The following TFDP1 variants were observed in gnomAD, a reference collection of about 807,000 sequenced individuals.
TFDP1 encodes the protein DRTF1-polypeptide 1.
Under a neutral mutation model 48.0 loss-of-function variants are expected in TFDP1, and 6 were observed. That is an observed-to-expected ratio of 0.13 (90% CI 0.07 to 0.25). The LOEUF is 0.25. Ranked by LOEUF, TFDP1 falls within the 10% of genes least tolerant of loss-of-function variation. The probability of loss-of-function intolerance (pLI) is 1.00; values close to 1 mark genes in which losing one functional copy is unlikely to be tolerated. For synonymous variants in TFDP1, 201 were observed against 211.6 expected (o/e 0.95, Z 0.44); for missense variants, 335 against 543.0 (o/e 0.62, Z 3.81).
intron 1 of TFDP1, 189 bp from the exon 2 acceptor site, chr13:113,585,585 A>G (rs564243998): frequency 9.9e-6 from 4 of 402,522 alleles, no homozygotes; most frequent in East Asian, 3.7e-5. Context: ...CGCAGGGGGC[A>G]TTTCCGTCTG....
Position 113,633,808 on chromosome 13 carries a change from G to C in TFDP1, c.475-82G>C. ...GGCTCCGTGAGCGGGGTGCCCCTTT[G>C]AGCCAGTGCCCATGGTCTACAGTTT... On this transcript the variant is annotated intron_variant, in intron 6 of 11. Coordinates refer to ENST00000375370, the MANE Select transcript of TFDP1 (RefSeq NM_007111.5). This position sits in a 1 kb window ranked among gnomAD's most constrained non-coding sequence, Gnocchi z 4.5. The C allele has an allele frequency of 1.3e-6, 2 of 1,514,368 alleles. No homozygotes were observed. The highest frequency in any genetic ancestry group is 8.9e-7 in the Non-Finnish European group (1 of 1,125,132). The allele number at this position is 1,514,368 out of a possible 1,614,324, so 93.8% of individuals were successfully genotyped here.
chr13:113,634,155 A>G, intron 7 of TFDP1, 122 bp downstream of exon 7: 1 of 1,404,230 alleles, frequency 7.1e-7, no homozygotes. Context: ...CGGCTGGCAG[A>G]CGGTCATGCA....
chr13:113,592,994 T>C (rs977330935), intron 2 of TFDP1, among the ~76,000 whole-genome samples: 3 of 148,496 alleles, frequency 2.0e-5, no homozygotes, highest in African/African-American at 7.6e-5. Flanking sequence ...ACAGGTGTGC[T>C]GTGCACGCGT....
At chr13:113,625,166 G>C (rs180716943) in intron 4 of TFDP1, among the ~76,000 whole-genome samples, 5 of 111,952 alleles carry the variant, frequency 4.5e-5, no homozygotes, top group African/African-American at 2.0e-4. Context: ...GTGTCTCTCA[G>C]GTGTCTCTCA....
intron 2 of TFDP1, among the ~76,000 whole-genome samples, chr13:113,596,203 G>A (rs2048286281): frequency 6.6e-6 from 1 of 152,180 alleles, no homozygotes; most frequent in Non-Finnish European, 1.5e-5. Flanking sequence ...CACCACTATT[G>A]ATAGAACCCA....
At chr13:113,637,616 T>G in intron 10 of TFDP1, 4 of 1,532,316 alleles carry the variant, frequency 2.6e-6, no homozygotes, top group Non-Finnish European at 3.5e-6. Context: ...TCTTGCCTTT[T>G]TAGAGAAGAC....
At position 113,633,762 on chromosome 13, in the gene TFDP1, C is replaced by A; in HGVS notation, c.475-128C>A. 1 of 1,162,428 alleles carries A rather than the reference C, an allele frequency of 8.6e-7. No homozygotes were observed. Among genetic ancestry groups the A allele is most frequent in the Non-Finnish European group, 1.2e-6 (1 of 818,972 alleles). The allele number at this position is 1,162,428 out of a possible 1,614,324, so 72.0% of individuals were successfully genotyped here. A position where few individuals can be genotyped will look rare whatever the true frequency, so the allele number is the denominator to read the frequency against. ...GTCATCTGTGGGGTGGGAGCGCTCC[C>A]TGAGGGCATGTTGGGGTGGCGGCTC... On this transcript the variant is annotated intron_variant, in intron 6 of 11. Coordinates refer to ENST00000375370, the MANE Select transcript of TFDP1 (RefSeq NM_007111.5). This position sits in a 1 kb window ranked among gnomAD's most constrained non-coding sequence, Gnocchi z 4.5.
At chr13:113,614,107 C>T (rs2048792450) in intron 3 of TFDP1, among the ~76,000 whole-genome samples, 1 of 149,282 alleles carries the variant, frequency 6.7e-6, no homozygotes, top group African/African-American at 2.5e-5. Context: ...TGTGCATATG[C>T]ACGTGTGAGT....
chr13:113,610,941 A>T, intron 2 of TFDP1, 55 bp from the exon 3 acceptor site: 1 of 1,546,968 alleles, frequency 6.5e-7, no homozygotes, highest in Non-Finnish European at 8.9e-7. Context: ...AAACACCCCT[A>T]GTTTCGTAGC....
At chr13:113,616,100 G>A (rs182784375) in intron 3 of TFDP1, among the ~76,000 whole-genome samples, 24 of 152,088 alleles carry the variant, frequency 1.6e-4, no homozygotes, top group Non-Finnish European at 1.8e-4. Flanking sequence ...CTACTCAGGA[G>A]GCTGAGGCAG....
At chr13:113,614,256 G>A (rs906015322) in intron 3 of TFDP1, among the ~76,000 whole-genome samples, 2 of 149,138 alleles carry the variant, frequency 1.3e-5, no homozygotes, top group African/African-American at 4.9e-5. Context: ...AGTTCTGATT[G>A]TGCGTGTGTG....
Position 113,612,822 on chromosome 13 carries a change from A to G in TFDP1, c.79+1760A>G, listed in dbSNP as rs561290140. On this transcript the variant is annotated intron_variant, in intron 3 of 11. Coordinates refer to ENST00000375370, the MANE Select transcript of TFDP1 (RefSeq NM_007111.5). ...GGAACATATTCTGCATTCATGACATAGCTGAAAATGTTCTGGTTTTGAGCC... is the reference window on the plus strand; with the variant it reads ...GGAACATATTCTGCATTCATGACATGGCTGAAAATGTTCTGGTTTTGAGCC... 9.2e-5 allele frequency among the ~76,000 whole-genome samples: 14 copies of G among 152,350 alleles called. No individual in the cohort carries two copies. In the South Asian group the frequency reaches 2.9e-3, roughly 32 times the overall value.
rs1047534504 is a variant in TFDP1 at position 113,615,467 on chromosome 13, G to C, written c.79+4405G>C. On this transcript the variant is annotated intron_variant, in intron 3 of 11. Transcript: ENST00000375370. ...CTCCCTGATGTGTGCAATCCTGCCC[G>C]GCCTGTGCCTCGTCCTCAGGGAGGC... 2.0e-5 allele frequency among the ~76,000 whole-genome samples: 3 copies of C among 152,184 alleles called. No homozygotes were observed. The East Asian group carries it at 5.8e-4, about 29-fold the overall frequency.
chr13:113,613,959 G>A (rs1176813749), intron 3 of TFDP1, among the ~76,000 whole-genome samples: 1 of 150,828 alleles, frequency 6.6e-6, no homozygotes, highest in Non-Finnish European at 1.5e-5. Flanking sequence ...TGAATTGTGA[G>A]GAGTGCATAT....
chr13:113,606,574 C>T (rs749840151), intron 2 of TFDP1, among the ~76,000 whole-genome samples: 9 of 152,044 alleles, frequency 5.9e-5, no homozygotes, highest in African/African-American at 1.9e-4. Flanking sequence ...GTGAAGACGC[C>T]GCACAGCCTT....
At chr13:113,595,799 G>A (rs1319707991) in intron 2 of TFDP1, among the ~76,000 whole-genome samples, 1 of 152,194 alleles carries the variant, frequency 6.6e-6, no homozygotes, top group Non-Finnish European at 1.5e-5. Flanking sequence ...AGTATTAATG[G>A]CGGCCGGGTG....
intron 4 of TFDP1, among the ~76,000 whole-genome samples, chr13:113,626,200 C>A (rs983020272): frequency 3.9e-5 from 6 of 152,188 alleles, no homozygotes; most frequent in Non-Finnish European, 7.3e-5. Context: ...CTCAGGTGTC[C>A]CTGGCCCTGT....
chr13:113,612,732 A>G (rs1029247290), intron 3 of TFDP1, among the ~76,000 whole-genome samples: 4 of 152,230 alleles, frequency 2.6e-5, no homozygotes, highest in African/African-American at 9.6e-5. Context: ...TCTTACTCAC[A>G]AATCTGTGCT....
At chr13:113,588,023 TTTTG>T (rs2140257117) in intron 2 of TFDP1, among the ~76,000 whole-genome samples, 1 of 152,164 alleles carries the variant, frequency 6.6e-6, no homozygotes, top group African/African-American at 2.4e-5. Flanking sequence ...CCAGCTAATT[TTTTG>T]TTAGTAGACA....
Sources: gnomAD v4.1 joint callset for allele counts (sites outside exome capture counted in the v4.1 genomes callset) on GRCh38, gnomAD v4.1.1 for gene constraint, Gnocchi (gnomAD v3.1) non-coding constraint, MANE v1.5 for transcripts, NCBI Gene and HGNC (gene_info 2026-07-23, HGNC 2026-07-21) for gene names.